Variants in C8orf34 observed in about 807,000 individuals in gnomAD.
C8orf34 encodes the protein chromosome 8 open reading frame 34.
Under a neutral mutation model 68.3 loss-of-function variants are expected in C8orf34, and 65 were observed. The ratio of observed to expected loss-of-function variants is 0.95; its 90% CI spans 0.78 to 1.17. The LOEUF (loss-of-function observed/expected upper bound fraction) is 1.17, where lower values mean the gene tolerates loss of function less well. Ranked by LOEUF, C8orf34 falls within the 50% of genes most tolerant of loss-of-function variation. C8orf34 has a pLI of 0.00. For missense variants in C8orf34, 664 were observed against 655.4 expected (o/e 1.01, Z -0.14); for synonymous variants, 244 against 241.2 (o/e 1.01, Z -0.11).
At chr8:68,625,412 T>C (rs1341159993) in intron 7 of C8orf34, 2 of 502,928 alleles carry the variant, frequency 4.0e-6, no homozygotes, top group African/African-American at 2.0e-5. Context: ...GGTGACAGAA[T>C]GCTGCATGAG....
At chr8:68,626,036 T>G (rs1293505255) in intron 7 of C8orf34, among the ~76,000 whole-genome samples, 1 of 152,182 alleles carries the variant, frequency 6.6e-6, no homozygotes, top group East Asian at 1.9e-4. Flanking sequence ...TAACACAAAG[T>G]TCAACTTACC....
intron 1 of C8orf34, among the ~76,000 whole-genome samples, chr8:68,422,594 G>A (rs891993158): frequency 2.6e-5 from 4 of 152,152 alleles, no homozygotes; most frequent in African/African-American, 9.7e-5. Flanking sequence ...GCTTTGCCAG[G>A]AACACAGTGC....
intron 7 of C8orf34, among the ~76,000 whole-genome samples, chr8:68,633,836 T>C (rs1456033758): frequency 1.3e-5 from 2 of 149,590 alleles, no homozygotes; most frequent in Non-Finnish European, 3.0e-5. Context: ...TCTGATACTA[T>C]AGGAGAGGCA....
At chr8:68,515,193 A>G (rs920822408) in intron 5 of C8orf34, among the ~76,000 whole-genome samples, 1 of 152,008 alleles carries the variant, frequency 6.6e-6, no homozygotes, top group Admixed American at 6.6e-5. Context: ...AAGTAGTTTA[A>G]TTATTTGGGA....
intron 8 of C8orf34, among the ~76,000 whole-genome samples, chr8:68,683,492 G>T (rs1820427109): frequency 6.6e-6 from 1 of 151,956 alleles, no homozygotes; most frequent in South Asian, 2.1e-4. Flanking sequence ...TGAAGGGTTG[G>T]TGGGGGTGTA....
intron 6 of C8orf34, among the ~76,000 whole-genome samples, chr8:68,531,146 A>G (rs1300114655): frequency 1.3e-5 from 2 of 152,152 alleles, no homozygotes; most frequent in Non-Finnish European, 2.9e-5. Context: ...TGTATTTCTT[A>G]GGAATAAAGA....
At chr8:68,690,225 G>A (rs16934911) in intron 8 of C8orf34, among the ~76,000 whole-genome samples, 3,759 of 151,890 alleles carry the variant, frequency 0.025, 148 homozygotes, top group African/African-American at 0.085. Context: ...GAGTGTTAGC[G>A]TTCAGATAAT....
At chr8:68,398,228 A>G (rs1390489042) in intron 1 of C8orf34, among the ~76,000 whole-genome samples, 6 of 152,158 alleles carry the variant, frequency 3.9e-5, no homozygotes, top group African/African-American at 7.2e-5. Context: ...AATATATCCT[A>G]TGGTTTTTAT....
At chr8:68,373,214 C>T (rs999871307) in intron 1 of C8orf34, among the ~76,000 whole-genome samples, 3 of 151,772 alleles carry the variant, frequency 2.0e-5, no homozygotes, top group African/African-American at 4.8e-5. Flanking sequence ...AGGCTGGTCT[C>T]GGACTCCTGA....
intron 7 of C8orf34, among the ~76,000 whole-genome samples, chr8:68,607,174 A>G (rs1338480395): frequency 2.6e-5 from 4 of 152,052 alleles, no homozygotes; most frequent in African/African-American, 9.7e-5. Context: ...AAGGATTATT[A>G]TTTTCTTCTT....
intron 7 of C8orf34, among the ~76,000 whole-genome samples, chr8:68,597,005 CTT>C (rs890282424): frequency 2.6e-4 from 39 of 152,084 alleles, no homozygotes; most frequent in Admixed American, 2.5e-3. Context: ...TCATTAAAGA[CTT>C]TTAAAATTTT....
intron 8 of C8orf34, among the ~76,000 whole-genome samples, chr8:68,655,167 A>T (rs967530484): frequency 2.0e-5 from 3 of 152,116 alleles, no homozygotes; most frequent in Admixed American, 2.0e-4. Flanking sequence ...GTAATTAGGT[A>T]TTTACATATT....
At chr8:68,411,351 T>G (rs1295241210) in intron 1 of C8orf34, among the ~76,000 whole-genome samples, 1 of 152,196 alleles carries the variant, frequency 6.6e-6, no homozygotes. Context: ...ATAATATATT[T>G]CATATGTAAA....
chr8:68,375,171 T>A (rs190353896), intron 1 of C8orf34, among the ~76,000 whole-genome samples: 1 of 152,226 alleles, frequency 6.6e-6, no homozygotes, highest in South Asian at 2.1e-4. Flanking sequence ...TTATGTGCAA[T>A]AAAGTGACAT....
chr8:68,379,546 C>T (rs1807944478), intron 1 of C8orf34, among the ~76,000 whole-genome samples: 1 of 152,202 alleles, frequency 6.6e-6, no homozygotes, highest in African/African-American at 2.4e-5. Context: ...GTTTTTCTTT[C>T]TGACTTGGTT....
At chr8:68,782,479 C>T (rs1247868234) in intron 11 of C8orf34, among the ~76,000 whole-genome samples, 1 of 148,452 alleles carries the variant, frequency 6.7e-6, no homozygotes, top group African/African-American at 2.5e-5. Context: ...CCATCTAGTG[C>T]CTCTCACATT....
intron 1 of C8orf34, among the ~76,000 whole-genome samples, chr8:68,386,751 G>T (rs1292258289): frequency 6.6e-6 from 1 of 152,044 alleles, no homozygotes; most frequent in Non-Finnish European, 1.5e-5. Context: ...ATTAGAGCAG[G>T]GTTGCTCAAC....
intron 1 of C8orf34, among the ~76,000 whole-genome samples, chr8:68,342,115 G>A (rs187812378): frequency 2.6e-5 from 4 of 152,260 alleles, no homozygotes; most frequent in Admixed American, 2.6e-4. Context: ...TGAGGTAACA[G>A]ATATGTTAAT....
intron 1 of C8orf34, among the ~76,000 whole-genome samples, chr8:68,334,893 C>G (rs918448255): frequency 6.6e-6 from 1 of 152,194 alleles, no homozygotes; most frequent in Admixed American, 6.5e-5. Flanking sequence ...TGTTGCCCAG[C>G]TTGCTCTTCT....
Sources: gnomAD v4.1 joint callset for allele counts (sites outside exome capture counted in the v4.1 genomes callset) on GRCh38, gnomAD v4.1.1 for gene constraint, MANE v1.5 for transcripts, NCBI Gene and HGNC (gene_info 2026-07-23, HGNC 2026-07-21) for gene names.